ANKS3: variants seen among roughly 807,000 people sequenced by gnomAD.
The protein encoded by ANKS3 is ankyrin repeat and sterile alpha motif domain containing 3, also known as ankyrin repeat and SAM domain-containing protein 3.
A neutral mutation model predicts 80.7 loss-of-function variants in ANKS3; 62 were observed. That is an observed-to-expected ratio of 0.77 (90% CI 0.63 to 0.95). The LOEUF (loss-of-function observed/expected upper bound fraction) is 0.95, where lower values mean the gene tolerates loss of function less well. Ranked by LOEUF, ANKS3 falls within the 40% of genes least tolerant of loss-of-function variation. The probability of loss-of-function intolerance (pLI) is 0.00; values close to 1 mark genes in which losing one functional copy is unlikely to be tolerated. For synonymous variants in ANKS3, 489 were observed against 355.3 expected, an observed-to-expected ratio of 1.38 and a Z score of -4.23; for missense variants, 1,150 against 883.6, an observed-to-expected ratio of 1.30 and a Z score of -3.82.
intron 15 of ANKS3, 52 bp downstream of exon 15, chr16:4,697,925 G>C: frequency 6.9e-7 from 1 of 1,440,392 alleles, no homozygotes; most frequent in Non-Finnish European, 9.2e-7. Context: ...CTGGCTTCAG[G>C]GCTCCCCCAC....
chr16:4,696,903 G>T lies in ANKS3; in HGVS notation c.*12-7C>A. The T allele has an allele frequency of 1.0e-6, 1 of 992,082 alleles. No individual in the cohort carries two copies. The highest frequency in any genetic ancestry group is 1.5e-6 in the Non-Finnish European group (1 of 655,618). 61.5% of individuals were successfully genotyped at this position (992,082 alleles called of 1,614,324 possible). A position where few individuals can be genotyped will look rare whatever the true frequency, so the allele number is the denominator to read the frequency against. ...AATCACCCAACGTCAGATTCTGAAAGAAAAAGCCCCGGTGAGAAGGGAGGG... is the reference window on the plus strand; with the variant it reads ...AATCACCCAACGTCAGATTCTGAAATAAAAAGCCCCGGTGAGAAGGGAGGG... On this transcript the variant is annotated splice_polypyrimidine_tract_variant and splice_region_variant and intron_variant, in intron 17 of 17. Transcript: ENST00000304283.
At position 4,698,522 on chromosome 16, in the gene ANKS3, C is replaced by A; in HGVS notation, c.1629G>T (p.Leu543=). 6.4e-7 allele frequency: 1 copy of A among 1,571,386 alleles called. No homozygotes were observed. Among genetic ancestry groups the A allele is most frequent in the South Asian group, 1.1e-5 (1 of 87,756 alleles). Residue 543 remains leucine (L), a synonymous_variant, in exon 14 of 18, where the codon CTG becomes CTT. Coordinates refer to ENST00000304283, the MANE Select transcript of ANKS3 (RefSeq NM_133450.4). ...QELRAVVESC[L]LEQDRAREDL... ...CCTCGCGGGCGCGGTCCTGCTCCAG[C>A]AGGCAGCTCTCCACCACGGCGCGCA...
chr16:4,725,621 C>T (rs181730355), intron 5 of ANKS3, among the ~76,000 whole-genome samples: 47 of 152,290 alleles, frequency 3.1e-4, no homozygotes, highest in African/African-American at 1.0e-3. Flanking sequence ...AAGCTTTAGA[C>T]AACAATCCCA....
chr16:4,731,428 C>A (rs564810620), intron 2 of ANKS3, 84 bp downstream of exon 2: 1 of 155,474 alleles, frequency 6.4e-6, no homozygotes, highest in Admixed American at 6.6e-5. Flanking sequence ...TACAGGTGTG[C>A]GCCATCATGT....
chr16:4,726,789 G>C lies in ANKS3; in HGVS notation c.370-9C>G. On this transcript the variant is annotated splice_polypyrimidine_tract_variant and intron_variant, in intron 4 of 17. Transcript: ENST00000304283. ...TCTAGCTCTGCACCTTGCTTCAAGA[G>C]AACACAGAACGTGCGTTACGGCCTC... The C allele has an allele frequency of 5.6e-6, 9 of 1,611,278 alleles. No individual in the cohort carries two copies. The highest frequency in any genetic ancestry group is 7.6e-6 in the Non-Finnish European group (9 of 1,177,762).
chr16:4,702,270 C>A, intron 8 of ANKS3, 28 bp from the exon 9 acceptor site: 1 of 1,460,474 alleles, frequency 6.8e-7, no homozygotes. Flanking sequence ...CCCATAAGCC[C>A]AGGGAACTCC....
At chr16:4,706,905 G>A (rs530959159) in intron 7 of ANKS3, among the ~76,000 whole-genome samples, 1 of 152,320 alleles carries the variant, frequency 6.6e-6, no homozygotes, top group Admixed American at 6.5e-5. Context: ...AAACTGACAG[G>A]ACAACTCAGG....
At position 4,722,052 on chromosome 16, in the gene ANKS3, A is replaced by G. The variant is rs1029465134; in HGVS notation, c.573+2698T>C. Among the ~76,000 whole-genome samples, 4 of 151,430 alleles carry G rather than the reference A, an allele frequency of 2.6e-5. No homozygotes were observed. In the East Asian group the frequency reaches 7.7e-4, roughly 29 times the overall value. On this transcript the variant is annotated intron_variant, in intron 6 of 17. Coordinates refer to ENST00000304283, the MANE Select transcript of ANKS3 (RefSeq NM_133450.4). ...TGAGCATGTGTGGGTGTATTCCCAG[A>G]GTCGCCCGTGGGGAGGGTGCCAAGG... is the stretch of plus-strand genomic sequence containing the variant.
chr16:4,698,562 C>T lies in ANKS3; in HGVS notation c.1589G>A (p.Cys530Tyr), dbSNP rs1159653196. The stretch of plus-strand genomic sequence containing the variant: ...CACGGCGCGCAGCTCCTGCTCCTGA[C>T]ACACCTGGCCCCGCGTGGCCTCTAC... ...EEVEATRGQV[C>Y]QEQELRAVVE... The change falls in exon 14 of 18, where the codon TGT (cysteine) becomes TAT (tyrosine). Residue 530 changes from cysteine (C) to tyrosine (Y), a missense_variant. Coordinates refer to ENST00000304283, the MANE Select transcript of ANKS3 (RefSeq NM_133450.4). 1 of 1,581,730 alleles carries T rather than the reference C, an allele frequency of 6.3e-7. No homozygotes were observed. Among genetic ancestry groups the T allele is most frequent in the East Asian group, 2.3e-5 (1 of 44,118 alleles).
intron 7 of ANKS3, among the ~76,000 whole-genome samples, chr16:4,707,497 G>C (rs1398615097): frequency 6.6e-6 from 1 of 152,036 alleles, no homozygotes; most frequent in African/African-American, 2.4e-5. Flanking sequence ...GGCTGGACTG[G>C]TCTCGAACTC....
rs200655172 is a variant in ANKS3, at chr16:4,702,138, G to T, written c.973C>A (p.Arg325=). The T allele has an allele frequency of 1.3e-6, 2 of 1,596,378 alleles. No individual in the cohort carries two copies. The highest frequency in any genetic ancestry group is 1.4e-5 in the African/African-American group (1 of 73,906). The change falls in exon 9 of 18, where the codon CGG becomes AGG. Residue 325 remains arginine (R), a synonymous_variant. Coordinates refer to ENST00000304283, the MANE Select transcript of ANKS3 (RefSeq NM_133450.4). The part of the protein sequence containing the change: ...CRDVTSPINE[R]DVESSSSSSS... ...CTGCTGCTGCTGCTCTCCACATCCC[G>T]CTCATTGATGGGGGAGGTGACATCC...
At chr16:4,708,168 G>A (rs542648132) in intron 7 of ANKS3, among the ~76,000 whole-genome samples, 69 of 151,852 alleles carry the variant, frequency 4.5e-4, no homozygotes, top group Admixed American at 2.5e-3. Flanking sequence ...AAGATGACAA[G>A]GAAGTTATGT....
At chr16:4,711,615 C>T (rs747022526) in intron 7 of ANKS3, among the ~76,000 whole-genome samples, 3 of 150,262 alleles carry the variant, frequency 2.0e-5, no homozygotes, top group East Asian at 2.0e-4. Flanking sequence ...CTACTTGGGA[C>T]GCTGAGGCAG....
At chr16:4,709,748 C>T (rs1159765475) in intron 7 of ANKS3, among the ~76,000 whole-genome samples, 1 of 152,158 alleles carries the variant, frequency 6.6e-6, no homozygotes, top group Non-Finnish European at 1.5e-5. Context: ...TGGTGACTCA[C>T]ACTTGTAATC....
rs773769410 is a variant in ANKS3 at position 4,696,844 on chromosome 16, C to T, written c.*64G>A. The T allele has an allele frequency of 1.9e-5, 13 of 666,966 alleles. No homozygotes were observed. Among genetic ancestry groups the T allele is most frequent in the Admixed American group, 4.8e-5 (2 of 41,318 alleles). The allele number at this position is 666,966 out of a possible 1,614,324, so 41.3% of individuals were successfully genotyped here. The stretch of plus-strand genomic sequence containing the variant: ...ATGGCAGCTACCTGCTCACTGTCCT[C>T]CTCACTCCCTGGCACACAGCTTCAG... On this transcript the variant is annotated 3_prime_UTR_variant, in exon 18 of 18. Transcript: ENST00000304283.
At chr16:4,732,239 A>T (rs1331997104) in intron 1 of ANKS3, among the ~76,000 whole-genome samples, 1 of 151,828 alleles carries the variant, frequency 6.6e-6, no homozygotes, top group Non-Finnish European at 1.5e-5. Flanking sequence ...TGAGAATCCC[A>T]CCCTAACAGC....
In ANKS3 at chr16:4,698,009, G is replaced by A. The variant is rs1313528601; in HGVS notation, c.1778C>T (p.Ala593Val). Reference protein sequence around the residue: ...SRVRQDQPPGAATLGLAVPPA... With the variant: ...SRVRQDQPPGVATLGLAVPPA... ...GGGGACGGCTAGGCCCAGAGTGGCT[G>A]CACCAGGGGGCTGGTCCTGCCTCAC... The change falls in exon 15 of 18, where the codon GCA becomes GTA. Residue 593 changes from alanine to valine, a missense_variant. By Grantham distance (64) the Ala-to-Val change is moderately conservative (BLOSUM62 0). Transcript: ENST00000304283. The A allele has an allele frequency of 1.2e-6, 2 of 1,605,986 alleles. No homozygotes were observed. Among genetic ancestry groups the A allele is most frequent in the Non-Finnish European group, 1.7e-6 (2 of 1,177,078 alleles).
chr16:4,719,594 G>A (rs558983526), intron 6 of ANKS3, among the ~76,000 whole-genome samples: 1 of 151,656 alleles, frequency 6.6e-6, no homozygotes, highest in African/African-American at 2.4e-5. Flanking sequence ...CTTGAGGCCA[G>A]GAGTTCAAGA....
chr16:4,730,701 T>C (rs891404809), intron 2 of ANKS3, among the ~76,000 whole-genome samples: 6 of 152,040 alleles, frequency 3.9e-5, no homozygotes, highest in African/African-American at 1.4e-4. Context: ...ATCCTGTCTC[T>C]ACTAAAAATA....
Sources: allele counts gnomAD v4.1 joint callset (sites outside exome capture counted in the v4.1 genomes callset), GRCh38; gene constraint gnomAD v4.1.1; transcripts MANE v1.5; gene names NCBI Gene and HGNC (gene_info 2026-07-23, HGNC 2026-07-21).